Variants in YEATS2 observed in about 807,000 individuals in gnomAD.
The protein encoded by YEATS2 is YEATS domain containing 2, also known as YEATS domain-containing protein 2.
A neutral mutation model predicts 163.2 loss-of-function variants in YEATS2; 77 were observed. The observed-to-expected ratio is 0.47, with a 90% CI of 0.39 to 0.57. The LOEUF (loss-of-function observed/expected upper bound fraction) is 0.57. Ranked by LOEUF, YEATS2 falls within the 20% of genes least tolerant of loss-of-function variation. YEATS2 has a pLI of 0.00. For synonymous variants in YEATS2, 631 were observed against 645.1 expected (o/e 0.98, Z 0.33); for missense variants, 1,549 against 1,729.8 (o/e 0.90, Z 1.85).
At chr3:183,715,398 A>T (rs1715738433) in intron 2 of YEATS2, 136 bp downstream of exon 2, 1 of 640,508 alleles carries the variant, frequency 1.6e-6, no homozygotes, top group Non-Finnish European at 2.7e-6. Flanking sequence ...TAGCTAAGGG[A>T]TCTGTTTAAT....
intron 15 of YEATS2, among the ~76,000 whole-genome samples, chr3:183,769,883 C>T (rs1013415794): frequency 6.6e-6 from 1 of 151,720 alleles, no homozygotes; most frequent in Non-Finnish European, 1.5e-5. Context: ...GATGAGGTTT[C>T]ACCATGTTGG....
At chr3:183,718,707 G>GAATCCC in intron 4 of YEATS2, 115 bp downstream of exon 4, 1 of 905,762 alleles carries the variant, frequency 1.1e-6, no homozygotes, top group Non-Finnish European at 1.6e-6. Flanking sequence ...TTGTTTTTTG[G>GAATCCC]TTTTTTTTTG....
chr3:183,742,520 A>G (rs573757234), intron 8 of YEATS2, among the ~76,000 whole-genome samples: 2 of 152,358 alleles, frequency 1.3e-5, no homozygotes, highest in East Asian at 3.9e-4. Flanking sequence ...AGAGCCTGAC[A>G]GTGTGACTGA....
intron 8 of YEATS2, among the ~76,000 whole-genome samples, chr3:183,741,293 A>G (rs1170349070): frequency 1.3e-5 from 2 of 151,650 alleles, no homozygotes; most frequent in African/African-American, 4.9e-5. Flanking sequence ...AGTAAATCCT[A>G]GGGCCCTTAA....
chr3:183,759,030 T>C, intron 13 of YEATS2, 65 bp downstream of exon 13: 1 of 1,205,688 alleles, frequency 8.3e-7, no homozygotes, highest in Non-Finnish European at 1.2e-6. Flanking sequence ...TAAAAAATAA[T>C]TTTTCAAATG....
intron 1 of YEATS2, among the ~76,000 whole-genome samples, chr3:183,714,197 ATTTTT>A (rs761078586): frequency 2.2e-5 from 3 of 138,530 alleles, no homozygotes; most frequent in Non-Finnish European, 4.7e-5. Flanking sequence ...GATTTATGGG[ATTTTT>A]TTTTTTTTTT....
intron 7 of YEATS2, among the ~76,000 whole-genome samples, chr3:183,736,426 A>T (rs1403641202): frequency 6.6e-6 from 1 of 152,228 alleles, no homozygotes; most frequent in Non-Finnish European, 1.5e-5. Flanking sequence ...GACATTCATC[A>T]GATCAACCTA....
chr3:183,770,714 G>A (rs560718155), intron 15 of YEATS2, among the ~76,000 whole-genome samples: 3 of 152,174 alleles, frequency 2.0e-5, no homozygotes, highest in Admixed American at 6.5e-5. Context: ...CATAGGAAAC[G>A]TGATGTTGTT....
At chr3:183,702,123 A>G (rs1488463693) in intron 1 of YEATS2, among the ~76,000 whole-genome samples, 1 of 152,122 alleles carries the variant, frequency 6.6e-6, no homozygotes, top group Non-Finnish European at 1.5e-5. Context: ...TTTTCCCCCT[A>G]ACTACTACAG....
At chr3:183,809,445 A>AT (rs1726567414) in intron 30 of YEATS2, 1 of 292,452 alleles carries the variant, frequency 3.4e-6, no homozygotes, top group Admixed American at 5.0e-5. Flanking sequence ...TTGAATAAAT[A>AT]TTAGCTTTGC....
At chr3:183,788,284 C>T (rs1488862761) in intron 20 of YEATS2, among the ~76,000 whole-genome samples, 2 of 151,880 alleles carry the variant, frequency 1.3e-5, no homozygotes, top group East Asian at 3.9e-4. Context: ...TTAACCATCC[C>T]CACTCCCTCC....
At chr3:183,801,768 A>G in intron 25 of YEATS2, 1 of 402,950 alleles carries the variant, frequency 2.5e-6, no homozygotes. Context: ...TATGTAAATC[A>G]TAGATTGTTT....
At chr3:183,804,813 C>A (rs1302066459) in intron 27 of YEATS2, among the ~76,000 whole-genome samples, 1 of 151,526 alleles carries the variant, frequency 6.6e-6, no homozygotes, top group Non-Finnish European at 1.5e-5. Context: ...CACTGAAACC[C>A]CATCTCTACT....
Position 183,808,056 on chromosome 3 carries a change from A to C in YEATS2, c.4038A>C (p.Ala1346=), listed in dbSNP as rs988069470. The change falls in exon 29 of 31, where the codon GCA becomes GCC. Residue 1346 remains alanine, a synonymous_variant. Coordinates refer to ENST00000305135, the MANE Select transcript of YEATS2 (RefSeq NM_018023.5). ...QKIGITLQPV[A]LHRNVYASVV... ...TTGGGATCACCCTGCAGCCCGTGGC[A>C]CTCCACAGGAACGTGTATGCGTCCG... The C allele has an allele frequency of 5.1e-6, 8 of 1,563,304 alleles. No homozygotes were observed. The highest frequency in any genetic ancestry group is 6.9e-6 in the Non-Finnish European group (8 of 1,153,184).
At chr3:183,777,412 C>A in intron 18 of YEATS2, 130 bp from the exon 19 acceptor site, 1 of 930,756 alleles carries the variant, frequency 1.1e-6, no homozygotes, top group Non-Finnish European at 1.6e-6. Context: ...ATTTTGCCTA[C>A]ATTGCAGAAT....
At position 183,790,807 on chromosome 3, in the gene YEATS2, T is replaced by A. The variant is rs753185557; in HGVS notation, c.2924T>A (p.Met975Lys). 6 of 1,613,692 alleles carry A rather than the reference T, an allele frequency of 3.7e-6. No individual in the cohort carries two copies. The African/African-American group carries it at 4.0e-5, about 11-fold the overall frequency. The change falls in exon 21 of 31, where the codon ATG becomes AAG. Residue 975 changes from methionine to lysine, a missense_variant. By Grantham distance (95) the Met-to-Lys change is moderately conservative (BLOSUM62 -1). Transcript: ENST00000305135. The stretch of plus-strand genomic sequence containing the variant: ...CCCATGGGTGAGCAGTCTGAAGGAA[T>A]GGCTCCCGTGTCTTCATCTACGGTC... The part of the protein sequence containing the change: ...ANGPAQQSEG[M>K]APVSSSTVSS...
intron 29 of YEATS2, chr3:183,808,770 C>T (rs558930454): frequency 6.5e-5 from 11 of 169,512 alleles, no homozygotes; most frequent in African/African-American, 1.7e-4. Flanking sequence ...GCAGGAGAAT[C>T]GCTTGAACCC....
At chr3:183,764,368 T>TAAAA (rs11452949) in intron 15 of YEATS2, among the ~76,000 whole-genome samples, 19 of 105,224 alleles carry the variant, frequency 1.8e-4, no homozygotes, top group African/African-American at 5.5e-4. Flanking sequence ...AAACTCTGTT[T>TAAAA]AAAAAAAAAA....
chr3:183,776,982 GT>G (rs1312897956), intron 18 of YEATS2, among the ~76,000 whole-genome samples: 1 of 151,834 alleles, frequency 6.6e-6, no homozygotes, highest in African/African-American at 2.4e-5. Flanking sequence ...AAGAATTTGG[GT>G]TTAAACCCAG....
Sources: allele counts gnomAD v4.1 joint callset (sites outside exome capture counted in the v4.1 genomes callset), GRCh38; gene constraint gnomAD v4.1.1; transcripts MANE v1.5; gene names NCBI Gene and HGNC (gene_info 2026-07-23, HGNC 2026-07-21).